Variants in ENOX2 observed in about 807,000 individuals in gnomAD.
ENOX2 encodes APK1 antigen.
Under a neutral mutation model 45.0 loss-of-function variants are expected in ENOX2, and 36 were observed. The ratio of observed to expected loss-of-function variants is 0.80; its 90% CI spans 0.61 to 1.06. The LOEUF is 1.06. ENOX2 is among the 50% of genes least tolerant of loss of function. ENOX2 has a pLI of 0.00. For missense variants in ENOX2, 423 were observed against 462.5 expected (o/e 0.91, Z 0.78); for synonymous variants, 174 against 152.3 (o/e 1.14, Z -1.05).
chrX:130,653,577 C>A (rs982408027), intron 10 of ENOX2, among the ~76,000 whole-genome samples: 1 of 111,710 alleles, frequency 9.0e-6, no homozygotes, highest in Non-Finnish European at 1.9e-5. Context: ...TCTTTCAAGG[C>A]CCTGATCAAT....
At chrX:130,645,641 G>A (rs1314032637) in intron 10 of ENOX2, 1 of 421,021 alleles carries the variant, frequency 2.4e-6, no homozygotes, top group Non-Finnish European at 4.1e-6. Context: ...CGCCCGCCTG[G>A]AGGGATGGGG....
chrX:130,884,122 G>A (rs1357872521), intron 2 of ENOX2, among the ~76,000 whole-genome samples: 3 of 111,465 alleles, frequency 2.7e-5, no homozygotes, highest in East Asian at 2.8e-4. Context: ...TCTGTTCCCC[G>A]AAGTTCCCAC....
intron 2 of ENOX2, among the ~76,000 whole-genome samples, chrX:130,884,333 A>G (rs2078867876): frequency 8.9e-6 from 1 of 112,396 alleles, no homozygotes; most frequent in African/African-American, 3.2e-5. Context: ...TTACCATCTT[A>G]AAGTCTCATA....
chrX:130,898,012 C>CTT (rs1307955738), intron 2 of ENOX2, among the ~76,000 whole-genome samples: 1 of 104,781 alleles, frequency 9.5e-6, no homozygotes, highest in Non-Finnish European at 2.0e-5. Flanking sequence ...TTTAAAATAA[C>CTT]TTTTTTTTTT....
intron 10 of ENOX2, among the ~76,000 whole-genome samples, chrX:130,646,524 C>T (rs1421826147): frequency 8.9e-6 from 1 of 112,527 alleles, no homozygotes; most frequent in Admixed American, 9.4e-5. Flanking sequence ...TAGAACTCTT[C>T]TGTAAAGCAG....
In ENOX2 at chrX:130,628,741, G is replaced by A. The variant is rs747904305; in HGVS notation, c.1529-698C>T. ...TCTTATAGCAGTTTACAGCCTCCAGGAATGCCCCTGATTTCCACTTAGCCT... is the reference window on the plus strand; with the variant it reads ...TCTTATAGCAGTTTACAGCCTCCAGAAATGCCCCTGATTTCCACTTAGCCT... On this transcript the variant is annotated intron_variant, in intron 13 of 14. Coordinates refer to ENST00000394363, the MANE Select transcript of ENOX2 (RefSeq NM_006375.4). Among the ~76,000 whole-genome samples, 4 of 112,169 alleles carry A rather than the reference G, an allele frequency of 3.6e-5. No homozygotes were observed. The East Asian group carries it at 1.1e-3, about 31-fold the overall frequency.
Position 130,888,128 on chromosome X carries a change from T to C in ENOX2, c.-183+13556A>G, listed in dbSNP as rs1037957687. On this transcript the variant is annotated intron_variant, in intron 2 of 14. Coordinates refer to ENST00000394363, the MANE Select transcript of ENOX2 (RefSeq NM_006375.4). Reference sequence around the variant, plus strand: ...CAGTGGATCACACAACTTTTGTCCATATATTTAACACTGAAAAACAAATCT... The same window carrying C: ...CAGTGGATCACACAACTTTTGTCCACATATTTAACACTGAAAAACAAATCT... Among the ~76,000 whole-genome samples the C allele has an allele frequency of 2.7e-5, 3 of 111,796 alleles. No homozygotes were observed. In the Admixed American group the frequency reaches 2.8e-4, roughly 11 times the overall value.
chrX:130,760,326 C>T (rs2039452152), intron 3 of ENOX2, among the ~76,000 whole-genome samples: 1 of 111,640 alleles, frequency 9.0e-6, no homozygotes, highest in East Asian at 2.8e-4. Context: ...TTTTTCTGAT[C>T]TGTAAGCCTT....
chrX:130,882,726 T>G (rs2078838966), intron 2 of ENOX2, among the ~76,000 whole-genome samples: 1 of 111,172 alleles, frequency 9.0e-6, no homozygotes, highest in South Asian at 3.8e-4. Flanking sequence ...TTTAATAGTC[T>G]GGTCAGCAGA....
chrX:130,860,428 C>T (rs1569321359), intron 2 of ENOX2, among the ~76,000 whole-genome samples: 1 of 111,675 alleles, frequency 9.0e-6, no homozygotes, highest in Non-Finnish European at 1.9e-5. Context: ...TGTTTTCTCA[C>T]CTAACTGCTT....
chrX:130,705,540 C>G (rs1028189454), intron 3 of ENOX2, among the ~76,000 whole-genome samples: 1 of 112,280 alleles, frequency 8.9e-6, no homozygotes, highest in African/African-American at 3.2e-5. Context: ...GTGTGATTAA[C>G]AACATTATTT....
chrX:130,740,134 G>A (rs1324399092), intron 3 of ENOX2, among the ~76,000 whole-genome samples: 5 of 112,274 alleles, frequency 4.5e-5, no homozygotes, highest in Admixed American at 3.8e-4. Context: ...TGGGCGTGGT[G>A]GCTCACGCGT....
intron 2 of ENOX2, among the ~76,000 whole-genome samples, chrX:130,821,745 A>AAAAAAT: frequency 1.3e-5 from 1 of 74,897 alleles, no homozygotes; most frequent in Admixed American, 1.4e-4. Flanking sequence ...AATAAATTAA[A>AAAAAAT]AAAAAAAAAA....
intron 2 of ENOX2, among the ~76,000 whole-genome samples, chrX:130,855,025 T>C (rs2078283316): frequency 9.0e-6 from 1 of 111,540 alleles, no homozygotes; most frequent in African/African-American, 3.3e-5. Context: ...CCTGTCACCA[T>C]TCTTATTCAA....
At chrX:130,687,577 G>C (rs956257754) in intron 5 of ENOX2, among the ~76,000 whole-genome samples, 1 of 112,089 alleles carries the variant, frequency 8.9e-6, no homozygotes, top group Non-Finnish European at 1.9e-5. Flanking sequence ...ATCCAGGAAT[G>C]GCCATTTGAG....
chrX:130,802,325 A>G (rs770536992), intron 2 of ENOX2, among the ~76,000 whole-genome samples: 1 of 112,338 alleles, frequency 8.9e-6, no homozygotes, highest in Admixed American at 9.5e-5. Context: ...TGTATCACCA[A>G]ATATATTGTC....
At chrX:130,697,074 T>G (rs1324351699) in intron 4 of ENOX2, among the ~76,000 whole-genome samples, 1 of 111,687 alleles carries the variant, frequency 9.0e-6, no homozygotes, top group Non-Finnish European at 1.9e-5. Context: ...TGCCTCAAAG[T>G]CTTTGCTGAA....
rs1193465806 is a variant in ENOX2, at chrX:130,622,864, T to C, written c.*2450A>G. Reference sequence around the variant, plus strand: ...TTTAAGGAATTGGCTCTTGCAATTATGGGGGCTGGCAAGTTAGAGATTTGT... The same window carrying C: ...TTTAAGGAATTGGCTCTTGCAATTACGGGGGCTGGCAAGTTAGAGATTTGT... On this transcript the variant is annotated 3_prime_UTR_variant, in exon 15 of 15. Transcript: ENST00000394363. Among the ~76,000 whole-genome samples the C allele has an allele frequency of 9.0e-6, 1 of 111,535 alleles. No individual in the cohort carries two copies. The highest frequency in any genetic ancestry group is 1.9e-5 in the Non-Finnish European group (1 of 53,143).
At chrX:130,847,309 G>A (rs752904229) in intron 2 of ENOX2, among the ~76,000 whole-genome samples, 2 of 110,993 alleles carry the variant, frequency 1.8e-5, no homozygotes, top group East Asian at 5.6e-4. Context: ...TAATATATAA[G>A]CATAATTTCT....
Sources: gnomAD v4.1 joint callset for allele counts (sites outside exome capture counted in the v4.1 genomes callset) on GRCh38, gnomAD v4.1.1 for gene constraint, MANE v1.5 for transcripts, NCBI Gene and HGNC (gene_info 2026-07-23, HGNC 2026-07-21) for gene names.